ARFGEF1: variants seen among roughly 807,000 people sequenced by gnomAD.
The protein encoded by ARFGEF1 is ARF guanine nucleotide exchange factor 1.
In ARFGEF1, 42 loss-of-function variants were observed where a neutral mutation model predicts 231.0. That is an observed-to-expected ratio of 0.18 (90% CI 0.14 to 0.24). The LOEUF is 0.24. Ranked by LOEUF, ARFGEF1 falls within the 10% of genes least tolerant of loss-of-function variation. ARFGEF1 has a pLI of 1.00. For missense variants in ARFGEF1, 1,345 were observed against 2,192.0 expected, an observed-to-expected ratio of 0.61 and a Z score of 7.72; for synonymous variants, 710 against 732.3, an observed-to-expected ratio of 0.97 and a Z score of 0.49.
intron 35 of ARFGEF1, 107 bp from the exon 36 acceptor site, chr8:67,203,358 C>T (rs1838399838): frequency 7.7e-7 from 1 of 1,294,582 alleles, no homozygotes; most frequent in African/African-American, 1.5e-5. Flanking sequence ...GCCACAGATA[C>T]TCAGCTTGAT....
At chr8:67,206,787 A>T (rs1838538573) in intron 34 of ARFGEF1, among the ~76,000 whole-genome samples, 1 of 152,256 alleles carries the variant, frequency 6.6e-6, no homozygotes, top group South Asian at 2.1e-4. Context: ...GGAGGCAGAC[A>T]ACTGCCCAAA....
intron 3 of ARFGEF1, 151 bp from the exon 4 acceptor site, chr8:67,299,506 C>A: frequency 1.5e-6 from 1 of 649,280 alleles, no homozygotes; most frequent in Non-Finnish European, 2.4e-6. Context: ...AAAGCTATAC[C>A]AACTTTTTCT....
chr8:67,260,565 T>C (rs1488037462), intron 14 of ARFGEF1, among the ~76,000 whole-genome samples: 1 of 152,188 alleles, frequency 6.6e-6, no homozygotes, highest in Non-Finnish European at 1.5e-5. Flanking sequence ...ACTTAATCAA[T>C]ACTTGTGTGT....
chr8:67,185,841 A>C (rs1390252732), intron 5 of ARFGEF1, among the ~76,000 whole-genome samples: 5 of 152,350 alleles, frequency 3.3e-5, no homozygotes, highest in East Asian at 1.9e-4. Flanking sequence ...AAGTCAAATC[A>C]GAATGGAAAA....
chr8:67,245,561 C>G (rs1050448898), intron 19 of ARFGEF1, among the ~76,000 whole-genome samples: 1 of 150,054 alleles, frequency 6.7e-6, no homozygotes, highest in East Asian at 1.9e-4. Flanking sequence ...ATAGTACTTG[C>G]AAGCCTCATG....
At chr8:67,182,175 G>A (rs997944864) in intron 5 of ARFGEF1, among the ~76,000 whole-genome samples, 1 of 151,962 alleles carries the variant, frequency 6.6e-6, no homozygotes, top group Non-Finnish European at 1.5e-5. Flanking sequence ...AATAATTTTT[G>A]TATTTTTTGT....
chr8:67,200,262 T>C lies in ARFGEF1; in HGVS notation c.5385+134A>G, dbSNP rs745741309. ...AGATACAGCAAGGCCACTGGTGGCTTTGCACAAGCAGCAGTGCAGCCTGGG... is the reference window on the plus strand; with the variant it reads ...AGATACAGCAAGGCCACTGGTGGCTCTGCACAAGCAGCAGTGCAGCCTGGG... On this transcript the variant is annotated intron_variant, in intron 38 of 38. Transcript: ENST00000262215. 2.4e-5 allele frequency: 18 copies of C among 735,470 alleles called. No homozygotes were observed. In the East Asian group the frequency reaches 4.4e-4, roughly 18 times the overall value. 45.6% of individuals were successfully genotyped at this position (735,470 alleles called of 1,614,324 possible). A position where few individuals can be genotyped will look rare whatever the true frequency, so the allele number is the denominator to read the frequency against.
At chr8:67,219,312 A>G in intron 30 of ARFGEF1, 119 bp downstream of exon 30, 1 of 1,263,600 alleles carries the variant, frequency 7.9e-7, no homozygotes, top group East Asian at 2.7e-5. Flanking sequence ...TCATGCCTTA[A>G]AGAAAAATTT....
Position 67,201,373 on chromosome 8 carries a change from G to A in ARFGEF1, c.5267+94C>T, listed in dbSNP as rs893340204. 8 of 1,452,978 alleles carry A rather than the reference G, an allele frequency of 5.5e-6. No homozygotes were observed. In the African/African-American group the frequency reaches 1.2e-4, roughly 21 times the overall value. The allele number at this position is 1,452,978 out of a possible 1,614,324, so 90.0% of individuals were successfully genotyped here. ...GGAATAGGGGCATCCAGGCCCCAAA[G>A]CCTCAGCTGTCAGCATGGTCCCGCC... On this transcript the variant is annotated intron_variant, in intron 37 of 38. Coordinates refer to ENST00000262215, the MANE Select transcript of ARFGEF1 (RefSeq NM_006421.5).
intron 5 of ARFGEF1, chr8:67,179,724 G>C (rs1435973924): frequency 1.7e-6 from 1 of 596,856 alleles, no homozygotes; most frequent in Admixed American, 3.1e-5. Context: ...CTGAGCATTG[G>C]AATGTAGTCA....
In ARFGEF1 at chr8:67,258,010, G is replaced by A. The variant is rs568317725; in HGVS notation, c.2441+75C>T. 19 of 1,381,818 alleles carry A rather than the reference G, an allele frequency of 1.4e-5. No individual in the cohort carries two copies. In the East Asian group the frequency reaches 3.5e-4, roughly 25 times the overall value. 85.6% of individuals were successfully genotyped at this position (1,381,818 alleles called of 1,614,324 possible). On this transcript the variant is annotated intron_variant, in intron 16 of 38. Coordinates refer to ENST00000262215, the MANE Select transcript of ARFGEF1 (RefSeq NM_006421.5). ...AACAGGGGATTAGGTCCTATTATCT[G>A]TAAATCCCTGGATGCTACCTAGCAC...
chr8:67,186,995 ATCT>A (rs1291767994), intron 5 of ARFGEF1, among the ~76,000 whole-genome samples: 3 of 151,626 alleles, frequency 2.0e-5, no homozygotes, highest in African/African-American at 7.3e-5. Flanking sequence ...CTATCTATCT[ATCT>A]ATCTATCTAT....
At chr8:67,258,818 TACACACACACACACACACACACAC>T (rs10576509) in intron 15 of ARFGEF1, among the ~76,000 whole-genome samples, 1 of 142,934 alleles carries the variant, frequency 7.0e-6, no homozygotes, top group African/African-American at 2.6e-5. Context: ...AAGCAGATTT[TACACACACACACACACACACACAC>T]ACACACACAC....
chr8:67,274,323 C>CAA (rs57986405), intron 9 of ARFGEF1, among the ~76,000 whole-genome samples: 195 of 123,810 alleles, frequency 1.6e-3, no homozygotes, highest in Middle Eastern at 4.7e-3. Flanking sequence ...TGACTTTTGG[C>CAA]AAAAAAAAAA....
intron 23 of ARFGEF1, among the ~76,000 whole-genome samples, chr8:67,232,227 G>T (rs1839576516): frequency 6.6e-6 from 1 of 152,020 alleles, no homozygotes; most frequent in African/African-American, 2.4e-5. Flanking sequence ...AAACATTATT[G>T]TAAAATGTTT....
chr8:67,335,789 C>T (rs533841703), intron 1 of ARFGEF1, among the ~76,000 whole-genome samples: 18 of 151,408 alleles, frequency 1.2e-4, no homozygotes, highest in African/African-American at 3.4e-4. Flanking sequence ...CACTGTCTCT[C>T]GGGCTGGAGT....
chr8:67,205,182 A>C (rs1429550402), intron 34 of ARFGEF1, among the ~76,000 whole-genome samples: 1 of 152,168 alleles, frequency 6.6e-6, no homozygotes, highest in Non-Finnish European at 1.5e-5. Flanking sequence ...AGTAGAAAGA[A>C]ACAGGGATTG....
At chr8:67,194,972 C>A (rs1837539921), downstream of ARFGEF1, among the ~76,000 whole-genome samples, 1 of 151,974 alleles carries the variant, frequency 6.6e-6, no homozygotes, top group African/African-American at 2.4e-5. Flanking sequence ...CCAAACCTTG[C>A]TTTAAAAAAA....
chr8:67,327,182 T>C (rs1483616128), intron 1 of ARFGEF1, among the ~76,000 whole-genome samples: 1 of 152,216 alleles, frequency 6.6e-6, no homozygotes. Context: ...GCCCACTACT[T>C]ATACTTGTGT....
Sources: allele counts gnomAD v4.1 joint callset (sites outside exome capture counted in the v4.1 genomes callset), GRCh38; gene constraint gnomAD v4.1.1; transcripts MANE v1.5; gene names NCBI Gene and HGNC (gene_info 2026-07-23, HGNC 2026-07-21).